The following WIZ variants were observed in gnomAD, a reference collection of about 807,000 sequenced individuals.
WIZ encodes WIZ zinc finger, also known as protein Wiz.
A neutral mutation model predicts 140.2 loss-of-function variants in WIZ; 25 were observed. The ratio of observed to expected loss-of-function variants is 0.18; its 90% CI spans 0.13 to 0.25. The LOEUF is 0.25. WIZ is among the 10% of genes least tolerant of loss of function. The pLI is 1.00. For missense variants in WIZ, 2,231 were observed against 2,632.6 expected (o/e 0.85, Z 3.34); for synonymous variants, 1,125 against 1,154.3 (o/e 0.97, Z 0.51).
chr19:15,429,486 C>CCGTGCCCGGGGGT, intron 7 of WIZ, 100 bp downstream of exon 7: 1 of 812,168 alleles, frequency 1.2e-6, no homozygotes, highest in Non-Finnish European at 1.7e-6. Context: ...TCCCCACCGC[C>CCGTGCCCGGGGGT]CCCACCCACC....
At position 15,428,102 on chromosome 19, in the gene WIZ, G is replaced by C. The variant is rs540104505; in HGVS notation, c.3814+8C>G. ...AGTGAGGAGGGGGCAGCTGAAGCGA[G>C]AACCTACAGAGGTTGAGAGGAGACG... On this transcript the variant is annotated splice_region_variant and intron_variant, in intron 8 of 12. Transcript: ENST00000673675. The surrounding 1 kb of genome is among the most constrained non-coding windows in gnomAD (Gnocchi z 6.4). The C allele has an allele frequency of 2.0e-6, 3 of 1,533,616 alleles. No homozygotes were observed. In the African/African-American group the frequency reaches 4.1e-5, roughly 21 times the overall value.
chr19:15,432,267 G>A (rs527563069), intron 5 of WIZ, among the ~76,000 whole-genome samples: 70 of 152,084 alleles, frequency 4.6e-4, no homozygotes, highest in African/African-American at 1.6e-3. Context: ...TGTTTCTGAG[G>A]CCTGGGACCC....
In WIZ at chr19:15,438,770, T is replaced by C. The variant is rs1005911899; in HGVS notation, c.2224A>G (p.Met742Val). 4.6e-6 allele frequency: 7 copies of C among 1,534,594 alleles called. 1 individual carries two copies. The highest frequency in any genetic ancestry group is 1.2e-5 in the South Asian group (1 of 84,026). The change falls in exon 4 of 13, where the codon ATG (methionine) becomes GTG (valine). Residue 742 changes from methionine (M) to valine (V), a missense_variant. Transcript: ENST00000673675. The part of the protein sequence containing the change: ...LDTLLDGDPA[M>V]ALKHEERKCP... ...TTCCGCTCCTCGTGCTTCAGTGCCATGGCCGGATCCCCATCCAGGAGTGTG... is the reference window on the plus strand; with the variant it reads ...TTCCGCTCCTCGTGCTTCAGTGCCACGGCCGGATCCCCATCCAGGAGTGTG...
At chr19:15,432,438 C>A (rs1297646185) in intron 5 of WIZ, 1 of 983,734 alleles carries the variant, frequency 1.0e-6, no homozygotes, top group East Asian at 1.2e-4. Flanking sequence ...TCTTACCGGG[C>A]GCGGGAGCGG....
In WIZ at chr19:15,440,608, A is replaced by C. The variant is rs750850477; in HGVS notation, c.386T>G (p.Leu129Arg). 2.6e-6 allele frequency: 4 copies of C among 1,535,548 alleles called. No individual in the cohort carries two copies. In the South Asian group the frequency reaches 4.8e-5, roughly 18 times the overall value. ...PDGRGPWEHP[L>R]VQEAGEGILS... is the part of the protein sequence containing the mutation. ...GATGCCCTCCCCAGCCTCCTGGACA[A>C]GGGGGTGCTCCCAGGGCCCCCGGCC... The change falls in exon 4 of 13, where the codon CTT becomes CGT. Residue 129 changes from leucine to arginine, a missense_variant. By Grantham distance (102) the Leu-to-Arg change is moderately radical (BLOSUM62 -2). Transcript: ENST00000673675. The surrounding 1 kb of genome is among the most constrained non-coding windows in gnomAD (Gnocchi z 6.2).
At chr19:15,443,944 G>A (rs529114219) in intron 2 of WIZ, among the ~76,000 whole-genome samples, 5 of 152,090 alleles carry the variant, frequency 3.3e-5, no homozygotes, top group Non-Finnish European at 5.9e-5. Context: ...TCTATTATCC[G>A]CCTGTGGAGC....
chr19:15,430,617 C>A (rs1049159009), intron 6 of WIZ, among the ~76,000 whole-genome samples: 1 of 152,226 alleles, frequency 6.6e-6, no homozygotes, highest in Non-Finnish European at 1.5e-5. Flanking sequence ...TTTTGCTCCT[C>A]TCACCTCCCT....
Position 15,422,886 on chromosome 19 carries a change from G to T in WIZ, c.*190C>A. On this transcript the variant is annotated 3_prime_UTR_variant, in exon 13 of 13. Transcript: ENST00000673675. ...ACACCCTGTGGCCCCAGAGTCCTCGGGCTGGGGGAAGGGCAGCTAGCTGGC... is the reference window on the plus strand; with the variant it reads ...ACACCCTGTGGCCCCAGAGTCCTCGTGCTGGGGGAAGGGCAGCTAGCTGGC... 1 of 800,840 alleles carries T rather than the reference G, an allele frequency of 1.2e-6. No individual in the cohort carries two copies. Among genetic ancestry groups the T allele is most frequent in the Non-Finnish European group, 1.9e-6 (1 of 524,488 alleles). 49.6% of individuals were successfully genotyped at this position (800,840 alleles called of 1,614,324 possible).
At chr19:15,430,799 C>T (rs1399950114) in intron 6 of WIZ, among the ~76,000 whole-genome samples, 1 of 152,234 alleles carries the variant, frequency 6.6e-6, no homozygotes, top group Non-Finnish European at 1.5e-5. Context: ...TGCTGTCCCT[C>T]GCCCCGTGAG....
In WIZ at chr19:15,428,841, A is replaced by AG. The variant is rs948484718; in HGVS notation, c.3416-334dup. On this transcript the variant is annotated intron_variant, in intron 7 of 12. Coordinates refer to ENST00000673675, the MANE Select transcript of WIZ (RefSeq NM_001371589.1). The surrounding 1 kb of genome is among the most constrained non-coding windows in gnomAD (Gnocchi z 6.4). ...GGTGGCTGCTGGGCTCACGCAGCCAAGGGCACACCTGCTCAAGGCCCTGCC... is the reference window on the plus strand; with the variant it reads ...GGTGGCTGCTGGGCTCACGCAGCCAAGGGGCACACCTGCTCAAGGCCCTGCC... 6.6e-5 allele frequency among the ~76,000 whole-genome samples: 10 copies of AG among 152,274 alleles called. 2 individuals are homozygous for AG. The highest frequency in any genetic ancestry group is 2.4e-4 in the African/African-American group (10 of 41,550).
At chr19:15,435,461 A>G (rs1326027105) in intron 5 of WIZ, among the ~76,000 whole-genome samples, 1 of 152,170 alleles carries the variant, frequency 6.6e-6, no homozygotes, top group East Asian at 1.9e-4. Flanking sequence ...AATTAAAATT[A>G]AAAAACCTTA....
intron 5 of WIZ, 111 bp downstream of exon 5, chr19:15,436,695 C>T: frequency 1.7e-6 from 2 of 1,155,010 alleles, no homozygotes; most frequent in Non-Finnish European, 2.3e-6. Flanking sequence ...TGTAAAGTGA[C>T]TCAAAATGCT....
intron 7 of WIZ, 133 bp downstream of exon 7, chr19:15,429,453 G>A (rs2145270501): frequency 9.7e-7 from 1 of 1,031,998 alleles, no homozygotes; most frequent in East Asian, 3.2e-5. Flanking sequence ...TGGCCTGGCT[G>A]GCCCAGGACA....
rs1432587551 is a variant in WIZ at position 15,429,946 on chromosome 19, G to A, written c.3055C>T (p.Leu1019Phe). 14 of 1,535,920 alleles carry A rather than the reference G, an allele frequency of 9.1e-6. No individual in the cohort carries two copies. The South Asian group carries it at 1.5e-4, about 17-fold the overall frequency. The stretch of plus-strand genomic sequence containing the variant: ...TCAGGCAGACCCTTCTGCTTCACAA[G>A]CTCGTAGAGGAGGTCGATGGGTGCG... ...SGAPIDLLYE[L>F]VKQKGLPDAH... The change falls in exon 7 of 13, where the codon CTT (leucine) becomes TTT (phenylalanine). Residue 1019 changes from leucine to phenylalanine, a missense_variant. Leu to Phe is a conservative substitution (Grantham distance 22). Coordinates refer to ENST00000673675, the MANE Select transcript of WIZ (RefSeq NM_001371589.1).
chr19:15,422,877 G>A lies in WIZ; in HGVS notation c.*199C>T. 1 of 732,906 alleles carries A rather than the reference G, an allele frequency of 1.4e-6. No homozygotes were observed. Among genetic ancestry groups the A allele is most frequent in the South Asian group, 1.9e-5 (1 of 51,494 alleles). 45.4% of individuals were successfully genotyped at this position (732,906 alleles called of 1,614,324 possible). On this transcript the variant is annotated 3_prime_UTR_variant, in exon 13 of 13. Coordinates refer to ENST00000673675, the MANE Select transcript of WIZ (RefSeq NM_001371589.1). Reference sequence around the variant, plus strand: ...TGAAGGAAGACACCCTGTGGCCCCAGAGTCCTCGGGCTGGGGGAAGGGCAG... The same window carrying A: ...TGAAGGAAGACACCCTGTGGCCCCAAAGTCCTCGGGCTGGGGGAAGGGCAG...
rs1455769668 is a variant in WIZ at position 15,438,090 on chromosome 19, G to A, written c.2416+488C>T. On this transcript the variant is annotated intron_variant, in intron 4 of 12. Transcript: ENST00000673675. ...GTCTGCCAATGTCAGAACCACCCAG[G>A]GTGCTCCTGTTGGAAACAGACTTCT... Among the ~76,000 whole-genome samples, 5 of 152,128 alleles carry A rather than the reference G, an allele frequency of 3.3e-5. No individual in the cohort carries two copies. The South Asian group carries it at 1.0e-3, about 32-fold the overall frequency.
Position 15,442,434 on chromosome 19 carries a change from C to T in WIZ, c.278+242G>A, listed in dbSNP as rs1377341953. 1.3e-5 allele frequency among the ~76,000 whole-genome samples: 2 copies of T among 152,202 alleles called. No individual in the cohort carries two copies. The highest frequency in any genetic ancestry group is 4.8e-5 in the African/African-American group (2 of 41,448). Reference sequence around the variant, plus strand: ...ACTTGAAGGGTCCAACATCCAGGCTCCTGCCCCTCTGGCCCTGCTCCTGGC... The same window carrying T: ...ACTTGAAGGGTCCAACATCCAGGCTTCTGCCCCTCTGGCCCTGCTCCTGGC... On this transcript the variant is annotated intron_variant, in intron 3 of 12. Transcript: ENST00000673675. This position sits in a 1 kb window ranked among gnomAD's most constrained non-coding sequence, Gnocchi z 5.5.
chr19:15,441,837 T>C (rs1969757285), intron 3 of WIZ, among the ~76,000 whole-genome samples: 2 of 152,136 alleles, frequency 1.3e-5, no homozygotes, highest in Admixed American at 1.3e-4. Context: ...CAGCTATTAT[T>C]AATTAATTAA....
intron 5 of WIZ, among the ~76,000 whole-genome samples, chr19:15,436,100 G>C (rs1969506327): frequency 6.6e-6 from 1 of 152,190 alleles, no homozygotes; most frequent in Non-Finnish European, 1.5e-5. Flanking sequence ...TCCAGCCGGG[G>C]CAAAAGAGCG....
Sources: gnomAD v4.1 joint callset for allele counts (sites outside exome capture counted in the v4.1 genomes callset) on GRCh38, gnomAD v4.1.1 for gene constraint, Gnocchi (gnomAD v3.1) non-coding constraint, MANE v1.5 for transcripts, NCBI Gene and HGNC (gene_info 2026-07-23, HGNC 2026-07-21) for gene names.